The following KRABD4 variants were observed in gnomAD, a reference collection of about 807,000 sequenced individuals.
The protein encoded by KRABD4 is KRAB domain containing 4, also known as KRAB domain-containing protein 4.
the KRABD4 span, chrX:46,450,351 A>G: frequency 1.6e-6 from 1 of 629,708 alleles, no homozygotes; most frequent in East Asian, 3.3e-5. Context: ...CTAGGGTACA[A>G]GGGTAATTAT....
chrX:46,472,781 C>T, the KRABD4 span: 1 of 1,209,417 alleles, frequency 8.3e-7, no homozygotes, highest in Non-Finnish European at 1.1e-6. Flanking sequence ...AGATAGATCA[C>T]TACAAGGAAA....
chrX:46,455,371 T>G, the KRABD4 span: 1 of 478,239 alleles, frequency 2.1e-6, no homozygotes, highest in Non-Finnish European at 3.8e-6. Context: ...CTATTCATCC[T>G]CCTCAGGGAG....
At chrX:46,467,732 T>C in the KRABD4 span, among the ~76,000 whole-genome samples, 1 of 111,680 alleles carries the variant, frequency 9.0e-6, no homozygotes, top group East Asian at 2.8e-4. Flanking sequence ...ATGTGCTTAT[T>C]TGCCATCTGT....
the KRABD4 span, chrX:46,462,793 G>T: frequency 1.7e-6 from 2 of 1,211,887 alleles, no homozygotes; most frequent in Non-Finnish European, 2.2e-6. Context: ...CACCCTGGAG[G>T]AGTGGCAGCA....
the KRABD4 span, chrX:46,474,587 G>A: frequency 1.8e-5 from 2 of 111,887 alleles, no homozygotes; most frequent in Admixed American, 9.5e-5. Flanking sequence ...TTCGGTTGAT[G>A]TAAGAAAATT....
At chrX:46,448,435 G>C in the KRABD4 span, 1 of 112,779 alleles carries the variant, frequency 8.9e-6, no homozygotes, top group Non-Finnish European at 1.9e-5. Context: ...GAGCTGAGGC[G>C]AGTTGGAGGA....
chrX:46,455,195 C>G, the KRABD4 span: 1 of 1,087,597 alleles, frequency 9.2e-7, no homozygotes, highest in South Asian at 2.0e-5. Context: ...TGCCTTTCTG[C>G]CTCTGAAGCT....
At chrX:46,464,038 T>C in the KRABD4 span, among the ~76,000 whole-genome samples, 2 of 68,506 alleles carry the variant, frequency 2.9e-5, no homozygotes. Context: ...GTTTTTGTTA[T>C]TATCTCTTTA....
chrX:46,463,179 T>C, the KRABD4 span: 6 of 1,202,360 alleles, frequency 5.0e-6, no homozygotes, highest in Non-Finnish European at 6.8e-6. Context: ...CGAAGTCCTA[T>C]GTCATTTCCC....
At chrX:46,454,706 G>A in the KRABD4 span, among the ~76,000 whole-genome samples, 1 of 111,291 alleles carries the variant, frequency 9.0e-6, no homozygotes, top group Non-Finnish European at 1.9e-5. Flanking sequence ...GGAGGCTGAG[G>A]CAGAATTGCT....
the KRABD4 span, chrX:46,457,228 C>G: frequency 1.4e-5 from 3 of 207,724 alleles, no homozygotes; most frequent in Non-Finnish European, 2.7e-5. Context: ...CACTTCAGCA[C>G]GATGGGAAAT....
At chrX:46,464,140 T>C in the KRABD4 span, among the ~76,000 whole-genome samples, 1 of 111,249 alleles carries the variant, frequency 9.0e-6, no homozygotes, top group African/African-American at 3.3e-5. Flanking sequence ...ATAGAACTGC[T>C]TTTTCCTTGT....
chrX:46,456,130 G>A, the KRABD4 span: 1 of 276,279 alleles, frequency 3.6e-6, no homozygotes, highest in Non-Finnish European at 6.8e-6. Flanking sequence ...CAGAGTTCAG[G>A]GGGTAGTTTT....
At chrX:46,461,847 T>C in the KRABD4 span, among the ~76,000 whole-genome samples, 1 of 111,553 alleles carries the variant, frequency 9.0e-6, no homozygotes, top group African/African-American at 3.3e-5. Context: ...CCAGGCAGGA[T>C]TGACTTCCTC....
the KRABD4 span, among the ~76,000 whole-genome samples, chrX:46,459,694 G>C: frequency 7.2e-5 from 8 of 111,007 alleles, no homozygotes. Flanking sequence ...CATTATCATT[G>C]TCATGTTTAG....
the KRABD4 span, among the ~76,000 whole-genome samples, chrX:46,460,776 C>G: frequency 7.4e-5 from 8 of 108,761 alleles, no homozygotes; most frequent in Admixed American, 7.8e-4. Flanking sequence ...AGCCAGCCAC[C>G]ACACCCAGCC....
chrX:46,461,965 A>G, the KRABD4 span, among the ~76,000 whole-genome samples: 77 of 110,449 alleles, frequency 7.0e-4, no homozygotes, highest in East Asian at 2.9e-3. Context: ...CTTAAGTGTC[A>G]CTTTTCTCCC....
At chrX:46,469,596 T>C in the KRABD4 span, among the ~76,000 whole-genome samples, 1 of 112,176 alleles carries the variant, frequency 8.9e-6, no homozygotes, top group Non-Finnish European at 1.9e-5. Context: ...AGTAGCTCTT[T>C]TATAGATGGT....
the KRABD4 span, chrX:46,455,535 T>C: frequency 2.3e-6 from 1 of 443,762 alleles, no homozygotes; most frequent in East Asian, 4.3e-5. Flanking sequence ...CCAGCAATTG[T>C]TGCTAGTTTA....
Sources: allele counts gnomAD v4.1 joint callset (sites outside exome capture counted in the v4.1 genomes callset), GRCh38; gene constraint gnomAD v4.1.1; transcripts MANE v1.5; gene names NCBI Gene and HGNC (gene_info 2026-07-23, HGNC 2026-07-21).